Variants in ARK2N observed in about 807,000 individuals in gnomAD.
The protein encoded by ARK2N is arkadia (RNF111) N-terminal like PKA signaling regulator 2N.
chr18:46,222,921 T>G, the ARK2N span, among the ~76,000 whole-genome samples: 3 of 152,170 alleles, frequency 2.0e-5, no homozygotes, highest in African/African-American at 7.2e-5. Flanking sequence ...ACTCTTGGTG[T>G]TGTAAGTTCT....
At chr18:46,178,469 T>C in the ARK2N span, among the ~76,000 whole-genome samples, 6 of 152,246 alleles carry the variant, frequency 3.9e-5, no homozygotes, top group South Asian at 2.1e-4. Flanking sequence ...TGTGCCGTCA[T>C]GCCAGGCTAA....
the ARK2N span, among the ~76,000 whole-genome samples, chr18:46,226,431 A>G: frequency 6.6e-6 from 1 of 152,326 alleles, no homozygotes; most frequent in African/African-American, 2.4e-5. Flanking sequence ...GTAGAGGGTA[A>G]AGATAAAATG....
the ARK2N span, among the ~76,000 whole-genome samples, chr18:46,211,092 C>T: frequency 2.0e-5 from 3 of 151,964 alleles, no homozygotes; most frequent in African/African-American, 4.8e-5. Context: ...CAGAGAGAGT[C>T]GTCAGGCATA....
the ARK2N span, chr18:46,217,270 G>A: frequency 1.3e-5 from 2 of 152,162 alleles, no homozygotes; most frequent in Non-Finnish European, 2.9e-5. Flanking sequence ...TACATATTTG[G>A]TAAATCTGCT....
the ARK2N span, among the ~76,000 whole-genome samples, chr18:46,250,734 C>T: frequency 2.2e-4 from 34 of 152,126 alleles, no homozygotes; most frequent in Admixed American, 1.4e-3. Flanking sequence ...CTTCCTACTT[C>T]TCAAAGCTAA....
chr18:46,214,077 G>T, the ARK2N span, among the ~76,000 whole-genome samples: 1 of 152,306 alleles, frequency 6.6e-6, no homozygotes, highest in South Asian at 2.1e-4. Flanking sequence ...AACTTAATCA[G>T]AATGCCTGTT....
the ARK2N span, chr18:46,253,835 A>C: frequency 5.9e-5 from 94 of 1,586,062 alleles, no homozygotes; most frequent in Middle Eastern, 6.7e-4. Flanking sequence ...TAGGATACTA[A>C]TTGGAGTAGT....
the ARK2N span, chr18:46,217,284 C>T: frequency 6.6e-6 from 1 of 152,184 alleles, no homozygotes. Context: ...ATCTGCTTTC[C>T]CCATTCTTAT....
the ARK2N span, among the ~76,000 whole-genome samples, chr18:46,178,450 T>C: frequency 6.6e-6 from 1 of 152,170 alleles, no homozygotes; most frequent in Non-Finnish European, 1.5e-5. Flanking sequence ...GTAGTTGGGA[T>C]TGCAGGCATG....
the ARK2N span, chr18:46,253,739 C>T: frequency 7.1e-7 from 1 of 1,407,506 alleles, no homozygotes; most frequent in Non-Finnish European, 9.7e-7. Flanking sequence ...AAAACATCTG[C>T]TGGCAATGCG....
the ARK2N span, among the ~76,000 whole-genome samples, chr18:46,196,161 G>C: frequency 4.0e-5 from 6 of 150,512 alleles, no homozygotes; most frequent in African/African-American, 1.5e-4. Flanking sequence ...TGTATTTTTA[G>C]TAGAGATGGG....
At chr18:46,249,069 A>T in the ARK2N span, among the ~76,000 whole-genome samples, 1 of 152,060 alleles carries the variant, frequency 6.6e-6, no homozygotes, top group Non-Finnish European at 1.5e-5. Flanking sequence ...GCAGAGTCTG[A>T]TCCCTGGATG....
At chr18:46,220,609 GGTATTGCATATGTC>G in the ARK2N span, among the ~76,000 whole-genome samples, 3 of 151,978 alleles carry the variant, frequency 2.0e-5, no homozygotes, top group African/African-American at 7.2e-5. Context: ...AATTTGTCTG[GGTATTGCATATGTC>G]GTCCTTTCCT....
At chr18:46,178,599 C>T in the ARK2N span, among the ~76,000 whole-genome samples, 29 of 152,308 alleles carry the variant, frequency 1.9e-4, no homozygotes, top group African/African-American at 7.0e-4. Context: ...CGGGAGCCAC[C>T]ATGCCTGGCC....
the ARK2N span, among the ~76,000 whole-genome samples, chr18:46,213,637 T>C: frequency 2.0e-5 from 3 of 152,210 alleles, no homozygotes; most frequent in African/African-American, 4.8e-5. Flanking sequence ...AGTATTATAA[T>C]TGATACAAAT....
chr18:46,248,616 T>A, the ARK2N span, among the ~76,000 whole-genome samples: 1 of 152,206 alleles, frequency 6.6e-6, no homozygotes, highest in Non-Finnish European at 1.5e-5. Flanking sequence ...GGAGTCTTGC[T>A]CTGTCACCAG....
chr18:46,252,742 T>G, the ARK2N span, among the ~76,000 whole-genome samples: 2 of 152,202 alleles, frequency 1.3e-5, no homozygotes, highest in Non-Finnish European at 2.9e-5. Context: ...TCCTAGGTAT[T>G]CTAAAATTCA....
the ARK2N span, among the ~76,000 whole-genome samples, chr18:46,196,027 C>T: frequency 4.0e-5 from 6 of 151,766 alleles, no homozygotes; most frequent in Non-Finnish European, 8.8e-5. Context: ...GCTGCCCAGG[C>T]TGGAGTGCAG....
At chr18:46,228,777 T>C in the ARK2N span, 1 of 398,586 alleles carries the variant, frequency 2.5e-6, no homozygotes, top group Non-Finnish European at 4.4e-6. Flanking sequence ...TGTTATGTTG[T>C]TCAGGCTGGC....
Sources: allele counts gnomAD v4.1 joint callset (sites outside exome capture counted in the v4.1 genomes callset), GRCh38; gene constraint gnomAD v4.1.1; transcripts MANE v1.5; gene names NCBI Gene and HGNC (gene_info 2026-07-23, HGNC 2026-07-21).